The following STK31 variants were observed in gnomAD, a reference collection of about 807,000 sequenced individuals.
STK31 encodes the protein serine/threonine kinase 31.
Under a neutral mutation model 129.7 loss-of-function variants are expected in STK31, and 89 were observed. The observed-to-expected ratio is 0.69, with a 90% CI of 0.58 to 0.82. The LOEUF is 0.82. STK31 is among the 40% of genes least tolerant of loss of function. The probability of loss-of-function intolerance (pLI) is 0.00; values close to 1 mark genes in which losing one functional copy is unlikely to be tolerated. For synonymous variants in STK31, 448 were observed against 395.3 expected (o/e 1.13, Z -1.58); for missense variants, 1,187 against 1,176.4 (o/e 1.01, Z -0.13).
Position 23,736,891 on chromosome 7 carries a change from T to C in STK31, c.843-13T>C. On this transcript the variant is annotated splice_polypyrimidine_tract_variant and intron_variant, in intron 7 of 23. Coordinates refer to ENST00000355870, the MANE Select transcript of STK31 (RefSeq NM_031414.5). ...CAGTTTGTTTGTCAAAATAAATGAA[T>C]TTGTTTTTATAGGGAAAGTTTGGCT... 6.3e-7 allele frequency: 1 copy of C among 1,589,268 alleles called. No homozygotes were observed. The highest frequency in any genetic ancestry group is 8.5e-7 in the Non-Finnish European group (1 of 1,170,416).
At chr7:23,749,176 C>T (rs574709574) in intron 8 of STK31, among the ~76,000 whole-genome samples, 93 of 152,320 alleles carry the variant, frequency 6.1e-4, no homozygotes, top group Non-Finnish European at 1.1e-3. Context: ...TACATGCTAT[C>T]TACTTTCTCC....
chr7:23,787,007 T>C, intron 20 of STK31, 83 bp downstream of exon 20: 1 of 1,363,604 alleles, frequency 7.3e-7, no homozygotes, highest in Non-Finnish European at 1.0e-6. Flanking sequence ...TACTACATGC[T>C]ATGTATTTTG....
chr7:23,784,478 G>T (rs1470048562), intron 17 of STK31, among the ~76,000 whole-genome samples: 1 of 151,720 alleles, frequency 6.6e-6, no homozygotes, highest in Non-Finnish European at 1.5e-5. Flanking sequence ...ATGCAGTGTG[G>T]GCAAATAAGT....
Position 23,759,289 on chromosome 7 carries a change from G to A in STK31, c.1294-3512G>A, listed in dbSNP as rs544453678. On this transcript the variant is annotated intron_variant, in intron 10 of 23. Transcript: ENST00000355870. Reference sequence around the variant, plus strand: ...TCTCTATCAAGTGGACCTGATAGACGTCTGCAGAACTCTCTACCCCAAATC... The same window carrying A: ...TCTCTATCAAGTGGACCTGATAGACATCTGCAGAACTCTCTACCCCAAATC... Among the ~76,000 whole-genome samples the A allele has an allele frequency of 3.9e-5, 6 of 152,250 alleles. No individual in the cohort carries two copies. The East Asian group carries it at 7.7e-4, about 20-fold the overall frequency.
At chr7:23,790,078 C>G (rs1317402106) in intron 21 of STK31, among the ~76,000 whole-genome samples, 1 of 152,116 alleles carries the variant, frequency 6.6e-6, no homozygotes, top group African/African-American at 2.4e-5. Context: ...TTCTAACAAG[C>G]TACCAGTTAA....
At position 23,716,443 on chromosome 7, in the gene STK31, T is replaced by G. The variant is rs922569303; in HGVS notation, c.151-1038T>G. Among the ~76,000 whole-genome samples, 6 of 152,152 alleles carry G rather than the reference T, an allele frequency of 3.9e-5. No homozygotes were observed. In the South Asian group the frequency reaches 1.2e-3, roughly 31 times the overall value. ...TTTTCTTTTGTAATTAATTAATGTTTTAGGAGACTTATTGTGGCTGTCTAA... is the reference window on the plus strand; with the variant it reads ...TTTTCTTTTGTAATTAATTAATGTTGTAGGAGACTTATTGTGGCTGTCTAA... On this transcript the variant is annotated intron_variant, in intron 3 of 23. Coordinates refer to ENST00000355870, the MANE Select transcript of STK31 (RefSeq NM_031414.5).
intron 10 of STK31, among the ~76,000 whole-genome samples, chr7:23,760,356 A>T (rs1230149605): frequency 6.6e-6 from 1 of 152,288 alleles, no homozygotes; most frequent in East Asian, 1.9e-4. Context: ...TCTGAATGAG[A>T]AGTATGAGCA....
chr7:23,738,120 G>A (rs925894469), intron 8 of STK31, among the ~76,000 whole-genome samples: 2 of 152,058 alleles, frequency 1.3e-5, no homozygotes, highest in African/African-American at 4.8e-5. Flanking sequence ...CTATAAATTC[G>A]GGGTTTCCCA....
intron 6 of STK31, among the ~76,000 whole-genome samples, chr7:23,730,490 A>G (rs1057268257): frequency 1.3e-5 from 2 of 152,144 alleles, no homozygotes; most frequent in African/African-American, 4.8e-5. Flanking sequence ...TTTAATATAA[A>G]TGCTTTGACC....
chr7:23,710,537 A>C (rs1785880165), intron 1 of STK31: 1 of 1,428,158 alleles, frequency 7.0e-7, no homozygotes, highest in South Asian at 1.5e-5. Flanking sequence ...GCTCGAAAAG[A>C]CCTCCGGCCT....
Position 23,735,769 on chromosome 7 carries a change from C to T in STK31, c.715C>T (p.Pro239Ser). Residue 239 changes from proline (P) to serine (S), a missense_variant, in exon 7 of 24, where the codon CCC becomes TCC. By Grantham distance (74) the Pro-to-Ser change is moderately conservative. Transcript: ENST00000355870. The part of the protein sequence containing the change: ...GQLVLRNLKS[P>S]IPLWGHRSNQ... ...ACTTGTTCTCAGGAACCTCAAAAGC[C>T]CCATTCCTTTGTGGGGGCATAGATC... is the stretch of plus-strand genomic sequence containing the variant. The T allele has an allele frequency of 3.1e-6, 5 of 1,614,068 alleles. No individual in the cohort carries two copies. The highest frequency in any genetic ancestry group is 4.2e-6 in the Non-Finnish European group (5 of 1,180,014).
chr7:23,721,755 T>G, intron 4 of STK31: 1 of 715,366 alleles, frequency 1.4e-6, no homozygotes, highest in Non-Finnish European at 2.6e-6. Context: ...AGGATATTTT[T>G]CCTTTCCCAA....
intron 4 of STK31, chr7:23,722,028 T>C (rs1584326572): frequency 5.8e-6 from 1 of 173,436 alleles, no homozygotes; most frequent in East Asian, 1.8e-4. Flanking sequence ...ACATCCTCCT[T>C]TAGCTTGGAG....
At chr7:23,726,103 C>A (rs1787049752) in intron 4 of STK31, 1 of 152,182 alleles carries the variant, frequency 6.6e-6, no homozygotes, top group Non-Finnish European at 1.5e-5. Context: ...GGCCCCCCTC[C>A]AACATTGGGA....
Position 23,754,485 on chromosome 7 carries a change from A to G in STK31, c.1293+11A>G. On this transcript the variant is annotated intron_variant, in intron 10 of 23. Coordinates refer to ENST00000355870, the MANE Select transcript of STK31 (RefSeq NM_031414.5). ...ACTTGTGAATATGTGGTGAGTTGGG[A>G]ATTTTTCTCTATTGTGGTTTTTATC... 6.2e-7 allele frequency: 1 copy of G among 1,602,294 alleles called. No homozygotes were observed.
chr7:23,738,229 A>G (rs994406356), intron 8 of STK31, among the ~76,000 whole-genome samples: 6 of 152,324 alleles, frequency 3.9e-5, no homozygotes, highest in Non-Finnish European at 8.8e-5. Context: ...ACTCAGAAAC[A>G]GCCAAATAAA....
At chr7:23,715,862 A>G (rs931595744) in intron 3 of STK31, among the ~76,000 whole-genome samples, 22 of 152,212 alleles carry the variant, frequency 1.4e-4, no homozygotes, top group Admixed American at 1.2e-3. Context: ...GAACATATAT[A>G]TATATTTAAC....
chr7:23,802,762 C>T (rs1477786901), intron 22 of STK31, among the ~76,000 whole-genome samples: 1 of 152,188 alleles, frequency 6.6e-6, no homozygotes, highest in Non-Finnish European at 1.5e-5. Context: ...GATCCACCTG[C>T]CTTGGCCTCT....
intron 4 of STK31, chr7:23,726,081 C>A (rs1787047340): frequency 6.6e-6 from 1 of 152,226 alleles, no homozygotes. Context: ...ACTATCCAAT[C>A]ACCTCCTACC....
Sources: gnomAD v4.1 joint callset for allele counts (sites outside exome capture counted in the v4.1 genomes callset) on GRCh38, gnomAD v4.1.1 for gene constraint, MANE v1.5 for transcripts, NCBI Gene and HGNC (gene_info 2026-07-23, HGNC 2026-07-21) for gene names.